DUSP22: variants seen among roughly 807,000 people sequenced by gnomAD.
DUSP22 encodes dual specificity phosphatase 22, also known as dual specificity protein phosphatase 22.
DUSP22 carries 24 observed loss-of-function variants against 24.5 expected under a neutral mutation model. The ratio of observed to expected loss-of-function variants is 0.98; its 90% confidence interval spans 0.71 to 1.38. The LOEUF (loss-of-function observed/expected upper bound fraction) is 1.38. Ranked by LOEUF, DUSP22 falls within the 40% of genes most tolerant of loss-of-function variation. The pLI, the probability that DUSP22 is intolerant of heterozygous loss-of-function variation, is 0.00. For missense variants in DUSP22, 330 were observed against 269.2 expected (o/e 1.23, Z -1.58); for synonymous variants, 160 against 106.4 (o/e 1.50, Z -3.10).
In DUSP22 at chr6:292,539, C is replaced by G. The variant is rs1296669244; in HGVS notation, c.-1C>G. The G allele has an allele frequency of 1.2e-5, 20 of 1,605,910 alleles. No individual in the cohort carries two copies. The highest frequency in any genetic ancestry group is 1.5e-5 in the Non-Finnish European group (18 of 1,176,242). ...GGCGCTAGCGTTCGCCTTCAGCCACCATGGGGAATGGGATGAACAAGGTAA... is the reference window on the plus strand; with the variant it reads ...GGCGCTAGCGTTCGCCTTCAGCCACGATGGGGAATGGGATGAACAAGGTAA... On this transcript the variant is annotated 5_prime_UTR_variant, in exon 1 of 7. Transcript: ENST00000419235.
chr6:317,088 GACTTT>G (rs1164449970), intron 3 of DUSP22, among the ~76,000 whole-genome samples: 1 of 152,306 alleles, frequency 6.6e-6, no homozygotes, highest in African/African-American at 2.4e-5. Context: ...TTGATGCCAA[GACTTT>G]ACTTGTGTTA....
At chr6:312,440 G>A (rs570117154) in intron 3 of DUSP22, among the ~76,000 whole-genome samples, 11 of 152,404 alleles carry the variant, frequency 7.2e-5, no homozygotes, top group South Asian at 6.2e-4. Context: ...GGAGACTCTC[G>A]GTGTAGAAGC....
intron 3 of DUSP22, among the ~76,000 whole-genome samples, chr6:322,739 C>T (rs1758656756): frequency 6.6e-6 from 1 of 150,974 alleles, no homozygotes; most frequent in Non-Finnish European, 1.5e-5. Context: ...GTGTGGCTGG[C>T]TGACTAGCAG....
intron 3 of DUSP22, among the ~76,000 whole-genome samples, chr6:321,315 C>T (rs1758577754): frequency 6.6e-6 from 1 of 152,296 alleles, no homozygotes; most frequent in Admixed American, 6.5e-5. Flanking sequence ...GTTTGTTAAG[C>T]TGTGGAGTCT....
At chr6:311,820 C>G (rs1412492165) in intron 2 of DUSP22, 60 bp from the exon 3 acceptor site, 81 of 1,478,890 alleles carry the variant, frequency 5.5e-5, no homozygotes, top group Non-Finnish European at 7.0e-5. Flanking sequence ...TCTGGCTAGA[C>G]TTTAGGAGTA....
chr6:349,322 G>C lies in DUSP22; in HGVS notation c.*371G>C. 9.1e-7 allele frequency: 1 copy of C among 1,099,570 alleles called. No homozygotes were observed. Among genetic ancestry groups the C allele is most frequent in the Admixed American group, 4.8e-5 (1 of 20,814 alleles). 68.1% of individuals were successfully genotyped at this position (1,099,570 alleles called of 1,614,324 possible). ...ATGTGTGTATGTTGTGAAAGTGTCT[G>C]TGCACATGAATGTTTGTGTGTGTGT... On this transcript the variant is annotated 3_prime_UTR_variant, in exon 7 of 7. Transcript: ENST00000419235.
At chr6:342,496 C>T (rs1043401508) in intron 4 of DUSP22, among the ~76,000 whole-genome samples, 18 of 152,286 alleles carry the variant, frequency 1.2e-4, no homozygotes, top group Admixed American at 7.2e-4. Flanking sequence ...GGGCAGGCAC[C>T]CAGTGTAAAC....
chr6:343,882 T>C (rs1759733479), intron 4 of DUSP22, among the ~76,000 whole-genome samples: 1 of 152,304 alleles, frequency 6.6e-6, no homozygotes. Flanking sequence ...TGTCTTACAG[T>C]TTATCAGAGT....
Position 331,822 on chromosome 6 carries a change from A to G in DUSP22, c.139-3292A>G, listed in dbSNP as rs554170104. 1.9e-4 allele frequency among the ~76,000 whole-genome samples: 29 copies of G among 152,408 alleles called. No individual in the cohort carries two copies. In the South Asian group the frequency reaches 6.0e-3, roughly 32 times the overall value. On this transcript the variant is annotated intron_variant, in intron 3 of 6. Transcript: ENST00000419235. ...AAATAGATGTTCTTAGGTGGCGAGC[A>G]GCTGAACCTTTTTGACAGTTTTGAC...
At chr6:317,654 C>G (rs1294429723) in intron 3 of DUSP22, among the ~76,000 whole-genome samples, 2 of 152,302 alleles carry the variant, frequency 1.3e-5, no homozygotes, top group African/African-American at 4.8e-5. Flanking sequence ...TCCATTTAAC[C>G]TGTGCTTTAT....
Position 351,088 on chromosome 6 carries a change from T to G in DUSP22, c.*2137T>G. On this transcript the variant is annotated 3_prime_UTR_variant, in exon 7 of 7. Coordinates refer to ENST00000419235, the MANE Select transcript of DUSP22 (RefSeq NM_001286555.3). ...ATCCCCACTGCTGTGGAGGTTTCTG[T>G]ACCTCGCTTGGATGCCTGTAAGGAT... 5.6e-6 allele frequency: 4 copies of G among 708,738 alleles called. No individual in the cohort carries two copies. Among genetic ancestry groups the G allele is most frequent in the South Asian group, 2.0e-5 (1 of 51,232 alleles). 43.9% of individuals were successfully genotyped at this position (708,738 alleles called of 1,614,324 possible). A position where few individuals can be genotyped will look rare whatever the true frequency, so the allele number is the denominator to read the frequency against.
At chr6:322,716 G>A (rs867954097) in intron 3 of DUSP22, among the ~76,000 whole-genome samples, 6 of 152,152 alleles carry the variant, frequency 3.9e-5, no homozygotes, top group Admixed American at 6.5e-5. Context: ...GTTCCGGGTC[G>A]GGACAGCACC....
chr6:343,548 A>G (rs1478504725), intron 4 of DUSP22, among the ~76,000 whole-genome samples: 1 of 151,480 alleles, frequency 6.6e-6, no homozygotes, highest in African/African-American at 2.4e-5. Flanking sequence ...TGGGAAAGTT[A>G]ACAAAAGCAG....
chr6:310,237 A>G (rs1161356766), intron 2 of DUSP22, among the ~76,000 whole-genome samples: 2 of 152,302 alleles, frequency 1.3e-5, no homozygotes, highest in East Asian at 1.9e-4. Flanking sequence ...CCGGGATTAC[A>G]GGTGTCAGTC....
chr6:305,271 C>T (rs1158294303), intron 2 of DUSP22, among the ~76,000 whole-genome samples: 1 of 152,306 alleles, frequency 6.6e-6, no homozygotes, highest in African/African-American at 2.4e-5. Context: ...CCTTGACCAT[C>T]ACCTGATGGA....
intron 3 of DUSP22, among the ~76,000 whole-genome samples, chr6:328,183 G>A (rs371658233): frequency 4.1e-3 from 626 of 152,200 alleles, no homozygotes; most frequent in Non-Finnish European, 5.8e-3. Flanking sequence ...GTAATACCAC[G>A]GAATGCCTTG....
At chr6:344,198 A>T (rs1269915707) in intron 4 of DUSP22, among the ~76,000 whole-genome samples, 2 of 150,348 alleles carry the variant, frequency 1.3e-5, no homozygotes, top group Non-Finnish European at 2.9e-5. Context: ...GGGCTGAATG[A>T]GTGACAAGAG....
chr6:347,065 A>G (rs1239948313), intron 5 of DUSP22, among the ~76,000 whole-genome samples: 2 of 152,302 alleles, frequency 1.3e-5, no homozygotes, highest in Non-Finnish European at 2.9e-5. Flanking sequence ...TTTAACGTTC[A>G]TTTCTGTTTG....
intron 1 of DUSP22, among the ~76,000 whole-genome samples, chr6:299,746 C>G (rs1385236408): frequency 7.2e-5 from 11 of 152,296 alleles, no homozygotes; most frequent in Non-Finnish European, 1.5e-5. Flanking sequence ...GGTCAGACTT[C>G]CCATCCTTGC....
Sources: gnomAD v4.1 joint callset for allele counts (sites outside exome capture counted in the v4.1 genomes callset) on GRCh38, gnomAD v4.1.1 for gene constraint, MANE v1.5 for transcripts, NCBI Gene and HGNC (gene_info 2026-07-23, HGNC 2026-07-21) for gene names.